NTRK2: variants seen among roughly 807,000 people sequenced by gnomAD.
The protein encoded by NTRK2 is neurotrophic receptor tyrosine kinase 2, also known as BDNF/NT-3 growth factors receptor.
Under a neutral mutation model 94.5 loss-of-function variants are expected in NTRK2, and 13 were observed. The observed-to-expected ratio is 0.14, with a 90% CI of 0.09 to 0.22. The LOEUF (loss-of-function observed/expected upper bound fraction) is 0.22. Ranked by LOEUF, NTRK2 falls within the 10% of genes least tolerant of loss-of-function variation. NTRK2 has a pLI of 1.00. For synonymous variants in NTRK2, 372 were observed against 407.4 expected (o/e 0.91, Z 1.05); for missense variants, 639 against 1,071.2 (o/e 0.60, Z 5.63).
chr9:84,677,033 A>G (rs2059104145), intron 2 of NTRK2, among the ~76,000 whole-genome samples: 2 of 152,196 alleles, frequency 1.3e-5, no homozygotes, highest in African/African-American at 4.8e-5. Flanking sequence ...AAAAAATTTG[A>G]GCTTCAGAGA....
At chr9:84,678,866 T>A (rs67725649) in intron 2 of NTRK2, among the ~76,000 whole-genome samples, 13,361 of 152,280 alleles carry the variant, frequency 0.088, 713 homozygotes, top group African/African-American at 0.14. Context: ...TGCTCCTTGG[T>A]TATTTCTTGT....
intron 16 of NTRK2, among the ~76,000 whole-genome samples, chr9:84,950,847 T>A (rs556514405): frequency 1.3e-5 from 2 of 152,326 alleles, no homozygotes; most frequent in South Asian, 4.1e-4. Context: ...TGCCACAATT[T>A]CCTCTTCATT....
intron 12 of NTRK2, among the ~76,000 whole-genome samples, chr9:84,773,632 C>T (rs866290290): frequency 6.6e-5 from 10 of 152,090 alleles, no homozygotes; most frequent in African/African-American, 1.9e-4. Flanking sequence ...TTATGGGGCA[C>T]GTCTGAAGTT....
chr9:84,733,511 C>T (rs368419879), intron 9 of NTRK2, among the ~76,000 whole-genome samples: 5 of 152,168 alleles, frequency 3.3e-5, no homozygotes, highest in African/African-American at 1.2e-4. Context: ...CTTGAGACAA[C>T]GTAGACCCTA....
intron 2 of NTRK2, among the ~76,000 whole-genome samples, chr9:84,686,491 T>C (rs913419646): frequency 7.9e-5 from 12 of 152,240 alleles, no homozygotes; most frequent in Admixed American, 3.9e-4. Flanking sequence ...TGTGGATCAA[T>C]TGCAGTTTTC....
In NTRK2 at chr9:84,734,518, C is replaced by A. The variant is rs149609117; in HGVS notation, c.1159+6559C>A. ...GCCCTTGATATGATTTGGCTATGTCCCCACACAAATCTCATCTTGAATTGT... is the reference window on the plus strand; with the variant it reads ...GCCCTTGATATGATTTGGCTATGTCACCACACAAATCTCATCTTGAATTGT... On this transcript the variant is annotated intron_variant, in intron 9 of 18. Transcript: ENST00000277120. 1.1e-3 allele frequency among the ~76,000 whole-genome samples: 167 copies of A among 152,300 alleles called. No homozygotes were observed. The East Asian group carries it at 0.011, about 10-fold the overall frequency.
chr9:84,877,283 G>T, intron 14 of NTRK2: 1 of 1,065,924 alleles, frequency 9.4e-7, no homozygotes, highest in Middle Eastern at 4.2e-4. Context: ...GTCATTGAGG[G>T]CCTTTGTGCC....
chr9:84,795,821 TGGCCCTTTAA>T (rs2069249649), intron 12 of NTRK2, among the ~76,000 whole-genome samples: 1 of 152,208 alleles, frequency 6.6e-6, no homozygotes, highest in Non-Finnish European at 1.5e-5. Context: ...GCCACTGCCA[TGGCCCTTTAA>T]GGGAGGTTTG....
At chr9:84,813,838 T>C (rs200878650) in intron 12 of NTRK2, 74 of 1,065,726 alleles carry the variant, frequency 6.9e-5, no homozygotes, top group Non-Finnish European at 8.4e-5. Flanking sequence ...CCCATTTTCA[T>C]GGGTGCCCTT....
chr9:84,879,196 C>T (rs543072369), intron 14 of NTRK2, among the ~76,000 whole-genome samples: 1 of 151,816 alleles, frequency 6.6e-6, no homozygotes, highest in South Asian at 2.1e-4. Flanking sequence ...GAGGCAGAGA[C>T]AGAGACAAAG....
rs933343079 is a variant in NTRK2, at chr9:85,022,126, C to G, written c.*689C>G. 4 of 233,262 alleles carry G rather than the reference C, an allele frequency of 1.7e-5. No individual in the cohort carries two copies. The East Asian group carries it at 2.4e-4, about 14-fold the overall frequency. The allele number at this position is 233,262 out of a possible 1,614,324, so 14.4% of individuals were successfully genotyped here. On this transcript the variant is annotated 3_prime_UTR_variant, in exon 19 of 19. Coordinates refer to ENST00000277120, the MANE Select transcript of NTRK2 (RefSeq NM_006180.6). ...ATTATGAACCGCAATATGGGAGGAA[C>G]AAAGACAACCACTGGGATCAGCTGG...
At chr9:84,784,035 T>C (rs955994515) in intron 12 of NTRK2, among the ~76,000 whole-genome samples, 4 of 152,008 alleles carry the variant, frequency 2.6e-5, no homozygotes, top group Non-Finnish European at 5.9e-5. Flanking sequence ...TAGCAGGCTG[T>C]AAAGGTAAGA....
At chr9:84,994,877 T>C (rs1829547230) in intron 17 of NTRK2, among the ~76,000 whole-genome samples, 1 of 152,212 alleles carries the variant, frequency 6.6e-6, no homozygotes, top group Non-Finnish European at 1.5e-5. Flanking sequence ...CCAATGTGTG[T>C]TGTGGCCTAA....
chr9:84,754,906 T>C (rs1158200339), intron 12 of NTRK2, among the ~76,000 whole-genome samples: 1 of 152,194 alleles, frequency 6.6e-6, no homozygotes, highest in Non-Finnish European at 1.5e-5. Flanking sequence ...ACTGTTTCAA[T>C]CTGTAATGGA....
At position 84,782,445 on chromosome 9, in the gene NTRK2, C is replaced by T. The variant is rs185173683; in HGVS notation, c.1396+30360C>T. Among the ~76,000 whole-genome samples, 80 of 152,270 alleles carry T rather than the reference C, an allele frequency of 5.3e-4. No homozygotes were observed. In the East Asian group the frequency reaches 0.012, roughly 24 times the overall value. On this transcript the variant is annotated intron_variant, in intron 12 of 18. Transcript: ENST00000277120. ...CGTTCTGCGGCTCTCCCCTCTGCCC[C>T]GTCATACCTAGCTTTGCTGTGGCTG...
intron 9 of NTRK2, among the ~76,000 whole-genome samples, chr9:84,737,965 T>C (rs186265395): frequency 1.3e-5 from 2 of 151,578 alleles, no homozygotes; most frequent in Non-Finnish European, 2.9e-5. Context: ...GATTTGACCA[T>C]CAGATCTGCA....
intron 18 of NTRK2, 110 bp from the exon 19 acceptor site, chr9:85,021,142 A>G (rs1832749337): frequency 2.2e-6 from 2 of 889,102 alleles, no homozygotes; most frequent in South Asian, 1.4e-5. Context: ...CAAAACCAAG[A>G]GTGGGCTTCT....
At position 84,961,618 on chromosome 9, in the gene NTRK2, AT is replaced by A. The variant is rs145945162; in HGVS notation, c.2172+6105del. Among the ~76,000 whole-genome samples the A allele has an allele frequency of 8.1e-3, 1,227 of 152,280 alleles. 12 individuals carry two copies. The highest frequency in any genetic ancestry group is 0.013 in the Non-Finnish European group (881 of 68,026). ...AGCGTGAGAGTCCTCTCATTCATTC[AT>A]TTTATCAGTACATGTTTATGAAACA... is the stretch of plus-strand genomic sequence containing the variant. On this transcript the variant is annotated intron_variant, in intron 17 of 18. Transcript: ENST00000277120.
intron 8 of NTRK2, among the ~76,000 whole-genome samples, chr9:84,725,056 A>G (rs2062347341): frequency 6.6e-6 from 1 of 152,216 alleles, no homozygotes; most frequent in Admixed American, 6.5e-5. Context: ...TAAAAACTAT[A>G]TAGACACTTC....
Sources: gnomAD v4.1 joint callset for allele counts (sites outside exome capture counted in the v4.1 genomes callset) on GRCh38, gnomAD v4.1.1 for gene constraint, MANE v1.5 for transcripts, NCBI Gene and HGNC (gene_info 2026-07-23, HGNC 2026-07-21) for gene names.